The following OCA2 variants were observed in gnomAD, a reference collection of about 807,000 sequenced individuals.
OCA2 encodes the protein OCA2 melanosomal transmembrane protein.
A neutral mutation model predicts 100.2 loss-of-function variants in OCA2; 77 were observed. The ratio of observed to expected loss-of-function variants is 0.77; its 90% CI spans 0.64 to 0.93. The LOEUF is 0.93. Among genes scored for constraint, OCA2 ranks in the 40% least tolerant of loss-of-function variants. OCA2 has a pLI of 0.00. For missense variants in OCA2, 1,062 were observed against 1,089.1 expected (o/e 0.98, Z 0.35); for synonymous variants, 432 against 439.2 (o/e 0.98, Z 0.21).
At position 27,989,383 on chromosome 15, in the gene OCA2, C is replaced by A. The variant is rs1057084917; in HGVS notation, c.1182+218G>T. Among the ~76,000 whole-genome samples the A allele has an allele frequency of 9.9e-5, 15 of 152,172 alleles. 1 individual carries two copies. The highest frequency in any genetic ancestry group is 2.0e-4 in the Admixed American group (3 of 15,288). ...GCTTTTCTAAATGGCAATATGACTT[C>A]ATCGTCAGACACGCCTTGGGCTGAA... On this transcript the variant is annotated intron_variant, in intron 11 of 23. Transcript: ENST00000354638.
rs114634122 is a variant in OCA2 at position 28,084,995 on chromosome 15, C to A, written c.-21-3100G>T. 7.7e-3 allele frequency among the ~76,000 whole-genome samples: 1,170 copies of A among 152,298 alleles called. 18 individuals are homozygous for A. The highest frequency in any genetic ancestry group is 0.027 in the African/African-American group (1,120 of 41,570). Reference sequence around the variant, plus strand: ...GTCAGTCCTGGGTCCTGCCTGCCTACACTCAAAGGGAGGGGACTAAACCAG... The same window carrying A: ...GTCAGTCCTGGGTCCTGCCTGCCTAAACTCAAAGGGAGGGGACTAAACCAG... On this transcript the variant is annotated intron_variant, in intron 1 of 23. Transcript: ENST00000354638.
chr15:27,940,011 G>A (rs957041619), intron 18 of OCA2, among the ~76,000 whole-genome samples: 1 of 152,302 alleles, frequency 6.6e-6, no homozygotes. Flanking sequence ...CCACAGAGCA[G>A]CCTGACCCTG....
Position 27,824,602 on chromosome 15 carries a change from C to CTCTCTCTCTCTCTATATATATA in OCA2, c.2432+20356_2432+20357insTATATATATAGAGAGAGAGAGA. On this transcript the variant is annotated intron_variant, in intron 23 of 23. Coordinates refer to ENST00000354638, the MANE Select transcript of OCA2 (RefSeq NM_000275.3). ...TTTCTCTCTCTCTCTCTCTCTCTCTCTATATATATATATATATATAATATA... is the reference window on the plus strand; with the variant it reads ...TTTCTCTCTCTCTCTCTCTCTCTCTCTCTCTCTCTCTCTATATATATATATATATATATATATATATAATATA... Among the ~76,000 whole-genome samples, 91 of 47,578 alleles carry CTCTCTCTCTCTCTATATATATA rather than the reference C, an allele frequency of 1.9e-3. 6 individuals are homozygous for CTCTCTCTCTCTCTATATATATA. The highest frequency in any genetic ancestry group is 0.014 in the South Asian group (9 of 652). The allele number at this position is 47,578 out of a possible 152,430, so 31.2% of individuals were successfully genotyped here. A position where few individuals can be genotyped will look rare whatever the true frequency, so the allele number is the denominator to read the frequency against.
At chr15:27,897,830 C>T (rs1415122327) in intron 19 of OCA2, among the ~76,000 whole-genome samples, 2 of 152,120 alleles carry the variant, frequency 1.3e-5, no homozygotes, top group Non-Finnish European at 2.9e-5. Flanking sequence ...GTGAAGGCAG[C>T]GGGGACGGAG....
chr15:27,852,206 G>C (rs2035779671), intron 21 of OCA2, among the ~76,000 whole-genome samples: 3 of 152,236 alleles, frequency 2.0e-5, no homozygotes. Flanking sequence ...TTGTGTTCAA[G>C]TCTTTAATCC....
rs1567098161 is a variant in OCA2 at position 27,913,883 on chromosome 15, GAA to G, written c.2079+12242_2079+12243del. Among the ~76,000 whole-genome samples, 24 of 52,688 alleles carry G rather than the reference GAA, an allele frequency of 4.6e-4. 1 individual carries two copies. Among genetic ancestry groups the G allele is most frequent in the African/African-American group, 1.9e-3 (21 of 11,042 alleles). The allele number at this position is 52,688 out of a possible 152,430, so 34.6% of individuals were successfully genotyped here. ...AGAAAGAAAGAAAGAAAGAAAGAAA[GAA>G]AGAAAGAAAGCAAGCAAGCAAGCAA... On this transcript the variant is annotated intron_variant, in intron 19 of 23. Coordinates refer to ENST00000354638, the MANE Select transcript of OCA2 (RefSeq NM_000275.3).
intron 19 of OCA2, among the ~76,000 whole-genome samples, chr15:27,922,677 T>TGG (rs750093178): frequency 3.3e-4 from 44 of 132,150 alleles, no homozygotes; most frequent in African/African-American, 1.1e-3. Context: ...GTTTTTTGTT[T>TGG]GGGGTGTGTG....
intron 23 of OCA2, among the ~76,000 whole-genome samples, chr15:27,821,748 C>T (rs1248500009): frequency 6.6e-6 from 1 of 152,100 alleles, no homozygotes; most frequent in Non-Finnish European, 1.5e-5. Flanking sequence ...TACATATAAG[C>T]TCGCATACAT....
the OCA2 span, among the ~76,000 whole-genome samples, chr15:27,740,168 A>G: frequency 6.6e-6 from 1 of 152,080 alleles, no homozygotes; most frequent in African/African-American, 2.4e-5. Flanking sequence ...CTGTGCCCAT[A>G]TGCTGCTTTC....
chr15:27,994,485 C>G (rs538739772), intron 9 of OCA2, among the ~76,000 whole-genome samples: 32 of 152,302 alleles, frequency 2.1e-4, no homozygotes, highest in Admixed American at 1.6e-3. Flanking sequence ...AAACCACTTC[C>G]CAGGCACAGA....
chr15:27,751,656 C>T (rs979301696), downstream of OCA2, among the ~76,000 whole-genome samples: 1 of 152,216 alleles, frequency 6.6e-6, no homozygotes, highest in African/African-American at 2.4e-5. Context: ...GCTGCCCTGC[C>T]ACTTGGGCCT....
Position 28,032,116 on chromosome 15 carries a change from GA to G in OCA2, c.274del (p.Ser92ProfsTer10), listed in dbSNP as rs778613495. On this transcript the variant is annotated frameshift_variant, in exon 3 of 24. Coordinates refer to ENST00000354638, the MANE Select transcript of OCA2 (RefSeq NM_000275.3). LOFTEE classifies it high-confidence loss of function. ...CAAAGGAGTGTTTTCTGTAAAGCAG[GA>G]ATCTTTAGACCTGGAGCTGGACATC... ...PQMSSSRSKD[S>X]CFTENTPLLR... 2 of 1,614,106 alleles carry G rather than the reference GA, an allele frequency of 1.2e-6. No homozygotes were observed. The highest frequency in any genetic ancestry group is 1.1e-5 in the South Asian group (1 of 91,080).
intron 23 of OCA2, among the ~76,000 whole-genome samples, chr15:27,798,022 A>T (rs1339457296): frequency 6.6e-6 from 1 of 152,270 alleles, no homozygotes; most frequent in Non-Finnish European, 1.5e-5. Context: ...GCAGGTGTGC[A>T]GGCACCAGGG....
At chr15:27,873,280 A>G (rs1322933458) in intron 19 of OCA2, among the ~76,000 whole-genome samples, 1 of 152,184 alleles carries the variant, frequency 6.6e-6, no homozygotes, top group Admixed American at 6.5e-5. Flanking sequence ...GTGGCACCTC[A>G]CCAACACCAG....
chr15:27,830,973 AT>A (rs1175744395), intron 23 of OCA2, among the ~76,000 whole-genome samples: 11 of 152,264 alleles, frequency 7.2e-5, no homozygotes, highest in Admixed American at 3.9e-4. Context: ...GCTGTAGCCA[AT>A]TTTACTTATA....
chr15:28,059,671 T>C lies in OCA2; in HGVS notation c.227+21977A>G, dbSNP rs546861968. ...AGACTTCTAAATGCCTTTTGCTCCC[T>C]AGTAGTAAAGTCTTCTGCAGATTTT... On this transcript the variant is annotated intron_variant, in intron 2 of 23. Transcript: ENST00000354638. Among the ~76,000 whole-genome samples the C allele has an allele frequency of 3.2e-4, 48 of 152,332 alleles. No homozygotes were observed. In the South Asian group the frequency reaches 9.3e-3, roughly 30 times the overall value.
At chr15:28,072,482 CG>C (rs2044292266) in intron 2 of OCA2, among the ~76,000 whole-genome samples, 1 of 150,300 alleles carries the variant, frequency 6.7e-6, no homozygotes. Flanking sequence ...CCCAGCTACT[CG>C]GAAGGCTGAG....
chr15:27,980,469 T>G (rs886106704), intron 14 of OCA2, among the ~76,000 whole-genome samples: 1 of 152,218 alleles, frequency 6.6e-6, no homozygotes, highest in African/African-American at 2.4e-5. Context: ...GTAGTTACCC[T>G]TTTCAGTATT....
At chr15:27,870,122 T>C (rs2036485597) in intron 21 of OCA2, among the ~76,000 whole-genome samples, 1 of 152,156 alleles carries the variant, frequency 6.6e-6, no homozygotes, top group Admixed American at 6.5e-5. Flanking sequence ...GGCCTGCCCT[T>C]CTCCCCACAC....
Sources: allele counts gnomAD v4.1 joint callset (sites outside exome capture counted in the v4.1 genomes callset), GRCh38; gene constraint gnomAD v4.1.1; transcripts MANE v1.5; gene names NCBI Gene and HGNC (gene_info 2026-07-23, HGNC 2026-07-21).